Variants in FUCA1 observed in about 807,000 individuals in gnomAD.
FUCA1 encodes the protein alpha-L-fucosidase 1.
Under a neutral mutation model 56.8 loss-of-function variants are expected in FUCA1, and 52 were observed. The ratio of observed to expected loss-of-function variants is 0.92; its 90% CI spans 0.73 to 1.15. FUCA1 has a LOEUF of 1.15. Ranked by LOEUF, FUCA1 falls within the 50% of genes most tolerant of loss-of-function variation. The pLI is 0.00. For synonymous variants in FUCA1, 230 were observed against 226.6 expected, an observed-to-expected ratio of 1.02 and a Z score of -0.14; for missense variants, 568 against 592.6, an observed-to-expected ratio of 0.96 and a Z score of 0.43.
chr1:23,860,138 A>C (rs1017279805), intron 3 of FUCA1, among the ~76,000 whole-genome samples: 2 of 152,150 alleles, frequency 1.3e-5, no homozygotes, highest in Non-Finnish European at 2.9e-5. Flanking sequence ...ACTGCATTTG[A>C]CTTGTGGACT....
At chr1:23,850,343 A>T (rs2148439706) in intron 5 of FUCA1, among the ~76,000 whole-genome samples, 1 of 151,876 alleles carries the variant, frequency 6.6e-6, no homozygotes, top group South Asian at 2.1e-4. Flanking sequence ...GAATTAAAGA[A>T]TTCATTATAA....
At position 23,852,482 on chromosome 1, in the gene FUCA1, G is replaced by A. The variant is rs1252831636; in HGVS notation, c.969+1878C>T. On this transcript the variant is annotated intron_variant, in intron 5 of 7. Transcript: ENST00000374479. Reference sequence around the variant, plus strand: ...CTCTCCCCCCTCTCCCTCTCCCCACGGTCTCCCTCTCCCTCTCTTTCCACG... The same window carrying A: ...CTCTCCCCCCTCTCCCTCTCCCCACAGTCTCCCTCTCCCTCTCTTTCCACG... Among the ~76,000 whole-genome samples, 3 of 128,106 alleles carry A rather than the reference G, an allele frequency of 2.3e-5. No individual in the cohort carries two copies. The East Asian group carries it at 6.5e-4, about 28-fold the overall frequency. 84.0% of individuals were successfully genotyped at this position (128,106 alleles called of 152,430 possible). A position where few individuals can be genotyped will look rare whatever the true frequency, so the allele number is the denominator to read the frequency against.
intron 6 of FUCA1, among the ~76,000 whole-genome samples, chr1:23,847,501 G>A (rs1208707602): frequency 6.6e-6 from 1 of 152,138 alleles, no homozygotes; most frequent in African/African-American, 2.4e-5. Context: ...GTATTTAGAG[G>A]TGAGGCCTTT....
intron 1 of FUCA1, 36 bp from the exon 2 acceptor site, chr1:23,865,661 G>A (rs201194440): frequency 2.5e-6 from 4 of 1,613,938 alleles, no homozygotes; most frequent in Non-Finnish European, 3.4e-6. Flanking sequence ...AAAGGAAGTG[G>A]GCAGTGAACT....
Position 23,863,385 on chromosome 1 carries a change from T to C in FUCA1, c.525-114A>G, listed in dbSNP as rs543300371. ...TCAGTGGCACTCACTCATAAGAGCATATAGAGAGGAATGGGATCCAAAACC... is the reference window on the plus strand; with the variant it reads ...TCAGTGGCACTCACTCATAAGAGCACATAGAGAGGAATGGGATCCAAAACC... On this transcript the variant is annotated intron_variant, in intron 2 of 7. Transcript: ENST00000374479. 191 of 1,019,646 alleles carry C rather than the reference T, an allele frequency of 1.9e-4. No individual in the cohort carries two copies. The Middle Eastern group carries it at 6.2e-3, about 33-fold the overall frequency. The allele number at this position is 1,019,646 out of a possible 1,614,324, so 63.2% of individuals were successfully genotyped here.
rs959829504 is a variant in FUCA1, at chr1:23,854,425, A to G, written c.904T>C (p.Phe302Leu). 1.9e-6 allele frequency: 3 copies of G among 1,613,938 alleles called. No individual in the cohort carries two copies. Among genetic ancestry groups the G allele is most frequent in the Non-Finnish European group, 2.5e-6 (3 of 1,180,012 alleles). The part of the protein sequence containing the change: ...KWEMCTSIDK[F>L]SWGYRRDMAL... Reference sequence around the variant, plus strand: ...ATGTCACGACGATAGCCCCAGGAAAACTTGTCAATGCTGGTGCACATCTCC... The same window carrying G: ...ATGTCACGACGATAGCCCCAGGAAAGCTTGTCAATGCTGGTGCACATCTCC... Residue 302 changes from phenylalanine (F) to leucine (L), a missense_variant, in exon 5 of 8, where the codon TTT (phenylalanine) becomes CTT (leucine). By Grantham distance (22) the Phe-to-Leu change is conservative (BLOSUM62 0). Transcript: ENST00000374479.
intron 5 of FUCA1, among the ~76,000 whole-genome samples, chr1:23,852,462 C>T (rs1036999041): frequency 2.7e-5 from 4 of 147,972 alleles, no homozygotes; most frequent in East Asian, 2.0e-4. Context: ...TCTCCCTCTC[C>T]CCCCTCTCCC....
rs1177266598 is a variant in FUCA1 at position 23,861,828 on chromosome 1, C to T, written c.662+1306G>A. ...AAATACAAATCTGCCCATTTGTCCA[C>T]TGTACTCCATAATTAGGCAGGTAAA... On this transcript the variant is annotated intron_variant, in intron 3 of 7. Coordinates refer to ENST00000374479, the MANE Select transcript of FUCA1 (RefSeq NM_000147.5). 3.3e-5 allele frequency among the ~76,000 whole-genome samples: 5 copies of T among 152,192 alleles called. No individual in the cohort carries two copies. In the South Asian group the frequency reaches 1.0e-3, roughly 31 times the overall value.
chr1:23,865,736 T>C, intron 1 of FUCA1, 111 bp from the exon 2 acceptor site: 2 of 1,182,190 alleles, frequency 1.7e-6, no homozygotes, highest in Admixed American at 3.4e-5. Context: ...CCACAACAAA[T>C]GTACTTGTAC....
chr1:23,859,396 G>A (rs1639460162), intron 4 of FUCA1, among the ~76,000 whole-genome samples: 1 of 151,984 alleles, frequency 6.6e-6, no homozygotes, highest in Non-Finnish European at 1.5e-5. Context: ...GCGAAACCCT[G>A]TCTCTACTAA....
At chr1:23,857,384 C>A (rs1008138858) in intron 4 of FUCA1, among the ~76,000 whole-genome samples, 32 of 152,156 alleles carry the variant, frequency 2.1e-4, no homozygotes, top group African/African-American at 7.2e-4. Flanking sequence ...CCAGCAGAGA[C>A]TAGCAGAGAC....
At position 23,846,182 on chromosome 1, in the gene FUCA1, A is replaced by C. The variant is rs757410966; in HGVS notation, c.1161-9T>G. ...ATCCCTTTGAGGTATACCTGGGAAA[A>C]CAGAAACAACACTGTCAAAGATACC... On this transcript the variant is annotated splice_polypyrimidine_tract_variant and intron_variant, in intron 6 of 7. Transcript: ENST00000374479. 10 of 1,569,988 alleles carry C rather than the reference A, an allele frequency of 6.4e-6. No homozygotes were observed. Among genetic ancestry groups the C allele is most frequent in the Non-Finnish European group, 8.8e-6 (10 of 1,139,854 alleles).
intron 6 of FUCA1, among the ~76,000 whole-genome samples, chr1:23,847,151 ACTAT>A (rs1455451649): frequency 2.6e-5 from 4 of 152,314 alleles, no homozygotes; most frequent in East Asian, 1.9e-4. Flanking sequence ...ATCTGGTGAT[ACTAT>A]CTATTTTCCC....
chr1:23,848,674 A>G lies in FUCA1; in HGVS notation c.1135T>C (p.Trp379Arg), dbSNP rs1165623762. 4.3e-6 allele frequency: 7 copies of G among 1,614,090 alleles called. No individual in the cohort carries two copies. The highest frequency in any genetic ancestry group is 1.6e-4 in the Middle Eastern group (1 of 6,062). The change falls in exon 6 of 8, where the codon TGG becomes CGG. Residue 379 changes from tryptophan to arginine, a missense_variant. By Grantham distance (101) the Trp-to-Arg change is moderately radical. Coordinates refer to ENST00000374479, the MANE Select transcript of FUCA1 (RefSeq NM_000147.5). ...CATACAGATGTTGTGTTCTTTTCCC[A>G]TTGCACCCGCCATGGTTTGGAGGCA... is the stretch of plus-strand genomic sequence containing the variant. ...IYASKPWRVQ[W>R]EKNTTSVWYT...
At chr1:23,850,894 G>C (rs1639241682) in intron 5 of FUCA1, among the ~76,000 whole-genome samples, 1 of 151,974 alleles carries the variant, frequency 6.6e-6, no homozygotes, top group Non-Finnish European at 1.5e-5. Flanking sequence ...CAAAGTGTTG[G>C]AGTTACAAGT....
At chr1:23,847,746 G>C (rs1285779189) in intron 6 of FUCA1, among the ~76,000 whole-genome samples, 3 of 152,142 alleles carry the variant, frequency 2.0e-5, no homozygotes, top group African/African-American at 7.2e-5. Flanking sequence ...TCTAAGCCAG[G>C]TGCAGTGGCT....
At position 23,854,451 on chromosome 1, in the gene FUCA1, C is replaced by T. The variant is rs569840516; in HGVS notation, c.878G>A (p.Trp293Ter). The change falls in exon 5 of 8, where the codon TGG becomes TAG. Residue 293 changes from tryptophan to a stop codon, truncating the protein, a stop_gained. Transcript: ENST00000374479. LOFTEE classifies it high-confidence loss of function. Reference protein sequence around the residue: ...FKPQSLPDHKWEMCTSIDKFS... With the variant: ...FKPQSLPDHK ...CTTGTCAATGCTGGTGCACATCTCC[C>T]ACTTGTGATCTGGCAAGCTCTGTGG... 1 of 1,614,136 alleles carries T rather than the reference C, an allele frequency of 6.2e-7. No individual in the cohort carries two copies. The highest frequency in any genetic ancestry group is 1.1e-5 in the South Asian group (1 of 91,086).
At position 23,856,433 on chromosome 1, in the gene FUCA1, A is replaced by C. The variant is rs183806369; in HGVS notation, c.769-1873T>G. Among the ~76,000 whole-genome samples the C allele has an allele frequency of 8.1e-4, 124 of 152,272 alleles. 1 individual carries two copies. Among genetic ancestry groups the C allele is most frequent in the African/African-American group, 2.2e-3 (93 of 41,552 alleles). On this transcript the variant is annotated intron_variant, in intron 4 of 7. Transcript: ENST00000374479. ...GTCTATGGATTGTGGAGACCTCAGG[A>C]CATACTTCTACTATCATACTGGTCA...
chr1:23,864,087 CT>C (rs765991884), intron 2 of FUCA1, among the ~76,000 whole-genome samples: 158 of 131,014 alleles, frequency 1.2e-3, no homozygotes, highest in Middle Eastern at 3.8e-3. Flanking sequence ...TCTTTTTTTC[CT>C]TTTTTTTTTT....
Sources: gnomAD v4.1 joint callset for allele counts (sites outside exome capture counted in the v4.1 genomes callset) on GRCh38, gnomAD v4.1.1 for gene constraint, MANE v1.5 for transcripts, NCBI Gene and HGNC (gene_info 2026-07-23, HGNC 2026-07-21) for gene names.